Variants in AK5 observed in about 807,000 individuals in gnomAD.
AK5 encodes adenylate kinase isoenzyme 5.
In AK5, 27 loss-of-function variants were observed where a neutral mutation model predicts 69.5. The observed-to-expected ratio is 0.39, with a 90% CI of 0.29 to 0.54. AK5 has a LOEUF of 0.54. AK5 is among the 20% of genes least tolerant of loss of function. AK5 has a pLI of 0.71. For missense variants in AK5, 531 were observed against 700.4 expected (o/e 0.76, Z 2.73); for synonymous variants, 260 against 244.4 (o/e 1.06, Z -0.60).
chr1:77,375,405 A>G (rs888818067), intron 6 of AK5, among the ~76,000 whole-genome samples: 4 of 152,208 alleles, frequency 2.6e-5, no homozygotes, highest in Non-Finnish European at 5.9e-5. Flanking sequence ...CGGGGCATGC[A>G]TGCTGGGGAT....
intron 6 of AK5, among the ~76,000 whole-genome samples, chr1:77,385,498 T>C (rs1162305634): frequency 6.6e-6 from 1 of 152,226 alleles, no homozygotes; most frequent in Non-Finnish European, 1.5e-5. Flanking sequence ...TCTGTTTCTG[T>C]CTTCTCCCTC....
At chr1:77,298,939 C>T (rs1239680736) in intron 5 of AK5, among the ~76,000 whole-genome samples, 1 of 152,158 alleles carries the variant, frequency 6.6e-6, no homozygotes, top group Admixed American at 6.5e-5. Flanking sequence ...TCCGCTGCTC[C>T]TCCTTTCCTG....
At chr1:77,413,192 C>T (rs1650164982) in intron 7 of AK5, among the ~76,000 whole-genome samples, 1 of 152,146 alleles carries the variant, frequency 6.6e-6, no homozygotes, top group Admixed American at 6.6e-5. Flanking sequence ...GCACCAGCTT[C>T]CCCCAGTTCT....
intron 13 of AK5, among the ~76,000 whole-genome samples, chr1:77,555,564 CT>C (rs2100406671): frequency 6.6e-6 from 1 of 152,338 alleles, no homozygotes; most frequent in East Asian, 1.9e-4. Flanking sequence ...TTCAGAGCCC[CT>C]GTTTCATCAT....
intron 10 of AK5, among the ~76,000 whole-genome samples, chr1:77,512,762 G>C (rs911300400): frequency 6.6e-6 from 1 of 152,084 alleles, no homozygotes; most frequent in African/African-American, 2.4e-5. Flanking sequence ...TTGGAACCAA[G>C]CCAAATGTCC....
At chr1:77,425,751 T>TAC in intron 8 of AK5, among the ~76,000 whole-genome samples, 1 of 152,296 alleles carries the variant, frequency 6.6e-6, no homozygotes, top group Admixed American at 6.5e-5. Flanking sequence ...CAACAATATA[T>TAC]TTAATTATAT....
At chr1:77,499,991 A>T (rs552286958) in intron 10 of AK5, among the ~76,000 whole-genome samples, 2 of 149,814 alleles carry the variant, frequency 1.3e-5, no homozygotes, top group African/African-American at 4.9e-5. Context: ...AAATGATGAA[A>T]GCTCAGATTA....
At chr1:77,308,968 T>C (rs1195194329) in intron 5 of AK5, among the ~76,000 whole-genome samples, 1 of 139,972 alleles carries the variant, frequency 7.1e-6, no homozygotes, top group Non-Finnish European at 1.6e-5. Flanking sequence ...GACACTGTCT[T>C]AAAAAAAAAA....
intron 6 of AK5, among the ~76,000 whole-genome samples, chr1:77,403,502 G>A (rs1369325624): frequency 6.6e-6 from 1 of 152,124 alleles, no homozygotes; most frequent in Non-Finnish European, 1.5e-5. Context: ...TCCAGTTTCA[G>A]CTTTCTACAT....
intron 8 of AK5, 148 bp downstream of exon 8, chr1:77,417,863 C>G (rs1650535117): frequency 3.7e-6 from 2 of 536,566 alleles, no homozygotes; most frequent in Non-Finnish European, 6.5e-6. Flanking sequence ...TTACAGTAGT[C>G]TACAGTTTTC....
chr1:77,490,580 G>GA (rs1276217977), intron 10 of AK5, among the ~76,000 whole-genome samples: 1 of 152,188 alleles, frequency 6.6e-6, no homozygotes, highest in Non-Finnish European at 1.5e-5. Context: ...CCAAAGGATT[G>GA]AAAAAGATTC....
At chr1:77,475,333 C>A (rs1385358715) in intron 8 of AK5, among the ~76,000 whole-genome samples, 1 of 132,648 alleles carries the variant, frequency 7.5e-6, no homozygotes, top group Admixed American at 8.3e-5. Context: ...AAGCTCAGGG[C>A]AAATGTATAT....
chr1:77,543,591 G>T lies in AK5; in HGVS notation c.1620+7553G>T, dbSNP rs139962864. ...GTGTTGCCTAGTCGGGTTTGCAGTG[G>T]TGCAATTACGGCTCATTGCAGCCTC... On this transcript the variant is annotated intron_variant, in intron 13 of 13. Transcript: ENST00000354567. Among the ~76,000 whole-genome samples, 16 of 151,982 alleles carry T rather than the reference G, an allele frequency of 1.1e-4. No homozygotes were observed. The East Asian group carries it at 3.1e-3, about 29-fold the overall frequency.
chr1:77,325,000 G>T (rs1469785243), intron 5 of AK5, among the ~76,000 whole-genome samples: 1 of 58,572 alleles, frequency 1.7e-5, no homozygotes, highest in African/African-American at 7.0e-5. Context: ...TGAGACGGAG[G>T]CTTGTTCTGT....
chr1:77,514,842 G>A (rs1395325430), intron 10 of AK5, among the ~76,000 whole-genome samples: 1 of 152,232 alleles, frequency 6.6e-6, no homozygotes, highest in Non-Finnish European at 1.5e-5. Context: ...TTTTTGCCTT[G>A]TAAGCCAAGT....
chr1:77,479,068 C>A (rs1299786683), intron 8 of AK5, among the ~76,000 whole-genome samples: 1 of 151,962 alleles, frequency 6.6e-6, no homozygotes, highest in Non-Finnish European at 1.5e-5. Flanking sequence ...CTGCAGTTTT[C>A]CATAGCCAGT....
intron 13 of AK5, among the ~76,000 whole-genome samples, chr1:77,544,486 AT>A (rs1165859035): frequency 6.6e-6 from 1 of 151,714 alleles, no homozygotes; most frequent in Non-Finnish European, 1.5e-5. Context: ...GTACATAAAT[AT>A]TTTTTCTTTA....
intron 13 of AK5, among the ~76,000 whole-genome samples, chr1:77,537,544 C>G (rs984518728): frequency 2.0e-5 from 3 of 151,910 alleles, no homozygotes; most frequent in Non-Finnish European, 4.4e-5. Flanking sequence ...GGAACAAATC[C>G]ATAAGGATGA....
chr1:77,462,706 G>T (rs981492687), intron 8 of AK5, among the ~76,000 whole-genome samples: 5 of 151,772 alleles, frequency 3.3e-5, no homozygotes, highest in African/African-American at 9.7e-5. Flanking sequence ...CAATAATTTG[G>T]GTATTTTCTG....
Sources: allele counts gnomAD v4.1 joint callset (sites outside exome capture counted in the v4.1 genomes callset), GRCh38; gene constraint gnomAD v4.1.1; transcripts MANE v1.5; gene names NCBI Gene and HGNC (gene_info 2026-07-23, HGNC 2026-07-21).